Variants in DIP2B observed in about 807,000 individuals in gnomAD.
The protein encoded by DIP2B is disco-interacting protein 2 homolog B.
In DIP2B, 76 loss-of-function variants were observed where a neutral mutation model predicts 198.0. The observed-to-expected ratio is 0.38, with a 90% CI of 0.32 to 0.46. The LOEUF (loss-of-function observed/expected upper bound fraction) is 0.46. DIP2B is among the 20% of genes least tolerant of loss of function. The probability of loss-of-function intolerance (pLI) is 0.99; values close to 1 mark genes in which losing one functional copy is unlikely to be tolerated. For missense variants in DIP2B, 1,559 were observed against 1,978.4 expected (o/e 0.79, Z 4.02); for synonymous variants, 701 against 739.1 (o/e 0.95, Z 0.84).
At chr12:50,680,887 A>G in intron 9 of DIP2B, 124 bp downstream of exon 9, 3 of 963,924 alleles carry the variant, frequency 3.1e-6, no homozygotes, top group Non-Finnish European at 1.6e-6. Flanking sequence ...TTTTGGAAAA[A>G]TAAAAATGGT....
intron 25 of DIP2B, 143 bp downstream of exon 25, chr12:50,719,178 G>A: frequency 1.2e-6 from 1 of 834,596 alleles, no homozygotes; most frequent in Non-Finnish European, 1.8e-6. Flanking sequence ...TTTGGCATAT[G>A]AGGGTAAACT....
At chr12:50,740,989 C>T (rs1940231280) in intron 36 of DIP2B, among the ~76,000 whole-genome samples, 1 of 152,188 alleles carries the variant, frequency 6.6e-6, no homozygotes, top group Non-Finnish European at 1.5e-5. Context: ...CTCATGCACA[C>T]TCCTGTCGCT....
chr12:50,537,273 ATTGT>A (rs34714076), intron 1 of DIP2B, among the ~76,000 whole-genome samples: 48,106 of 150,938 alleles, frequency 0.32, 7,751 homozygotes, highest in South Asian at 0.39. Context: ...TTGCTTTATA[ATTGT>A]TTGTTTACAC....
chr12:50,634,280 A>G (rs1011207792), intron 2 of DIP2B, among the ~76,000 whole-genome samples: 1 of 152,220 alleles, frequency 6.6e-6, no homozygotes, highest in African/African-American at 2.4e-5. Context: ...TCTGTAAATT[A>G]GTCACTCTTG....
intron 1 of DIP2B, among the ~76,000 whole-genome samples, chr12:50,620,033 G>A (rs1937778366): frequency 6.6e-6 from 1 of 152,232 alleles, no homozygotes; most frequent in African/African-American, 2.4e-5. Flanking sequence ...GGGTGACAGA[G>A]TGAGACCCTG....
intron 2 of DIP2B, among the ~76,000 whole-genome samples, chr12:50,631,151 G>T (rs1938044243): frequency 1.3e-5 from 2 of 150,360 alleles, no homozygotes; most frequent in Non-Finnish European, 3.0e-5. Flanking sequence ...TTGAGACAGG[G>T]TCTCACTCTG....
intron 3 of DIP2B, among the ~76,000 whole-genome samples, chr12:50,652,097 A>C (rs1358016721): frequency 6.6e-6 from 1 of 151,804 alleles, no homozygotes; most frequent in African/African-American, 2.4e-5. Context: ...GACGATCACG[A>C]AGTCAGGAAT....
chr12:50,742,981 C>T (rs1940280450), intron 37 of DIP2B, among the ~76,000 whole-genome samples: 1 of 152,144 alleles, frequency 6.6e-6, no homozygotes, highest in African/African-American at 2.4e-5. Context: ...CATCTTTAGA[C>T]ATCTGGAAAG....
At chr12:50,528,456 A>G (rs954488671) in intron 1 of DIP2B, among the ~76,000 whole-genome samples, 5 of 152,056 alleles carry the variant, frequency 3.3e-5, no homozygotes, top group East Asian at 1.9e-4. Flanking sequence ...AAGGAAAAGT[A>G]TAGTGATTAG....
At chr12:50,701,664 A>G (rs554331206) in intron 19 of DIP2B, among the ~76,000 whole-genome samples, 134 of 151,926 alleles carry the variant, frequency 8.8e-4, no homozygotes, top group Middle Eastern at 6.8e-3. Context: ...GATTACAGGC[A>G]TGAGCCACCA....
At chr12:50,688,390 G>T (rs955559653) in intron 12 of DIP2B, among the ~76,000 whole-genome samples, 10 of 152,168 alleles carry the variant, frequency 6.6e-5, no homozygotes, top group African/African-American at 2.2e-4. Flanking sequence ...GATGGCTCAT[G>T]CCTTTAATCC....
intron 1 of DIP2B, among the ~76,000 whole-genome samples, chr12:50,530,226 G>A (rs1041558207): frequency 9.2e-5 from 14 of 152,100 alleles, no homozygotes; most frequent in African/African-American, 2.9e-4. Context: ...ACAGGCACCC[G>A]CCATCACGCC....
At chr12:50,568,793 T>C (rs899158978) in intron 1 of DIP2B, among the ~76,000 whole-genome samples, 16 of 152,342 alleles carry the variant, frequency 1.1e-4, no homozygotes, top group Admixed American at 1.0e-3. Context: ...AGTCTTTGCA[T>C]CATTTTTTAA....
rs1168210168 is a variant in DIP2B at position 50,589,186 on chromosome 12, AAAAAT to A, written c.101-36770_101-36766del. Among the ~76,000 whole-genome samples, 25 of 151,860 alleles carry A rather than the reference AAAAAT, an allele frequency of 1.6e-4. 1 individual carries two copies. Among genetic ancestry groups the A allele is most frequent in the Admixed American group, 3.9e-4 (6 of 15,254 alleles). ...GAAACAGGGCAAGACTCTGTCTCAA[AAAAAT>A]AAAATAAAATAAAATAAAAATAAAT... On this transcript the variant is annotated intron_variant, in intron 1 of 37. Coordinates refer to ENST00000301180, the MANE Select transcript of DIP2B (RefSeq NM_173602.3).
intron 16 of DIP2B, 79 bp downstream of exon 16, chr12:50,696,046 A>T: frequency 6.3e-7 from 1 of 1,575,668 alleles, no homozygotes; most frequent in East Asian, 2.3e-5. Context: ...ACTAAGATAT[A>T]ATTCACATAC....
At chr12:50,600,704 A>T (rs1463028004) in intron 1 of DIP2B, among the ~76,000 whole-genome samples, 1 of 152,198 alleles carries the variant, frequency 6.6e-6, no homozygotes, top group African/African-American at 2.4e-5. Flanking sequence ...CCTTTTAAAG[A>T]TGAATGAGTG....
At chr12:50,510,361 A>G (rs10876043) in intron 1 of DIP2B, among the ~76,000 whole-genome samples, 37,499 of 152,156 alleles carry the variant, frequency 0.25, 5,374 homozygotes, top group East Asian at 0.37. Context: ...TGACAGCCCC[A>G]TGGCATTGAG....
intron 1 of DIP2B, among the ~76,000 whole-genome samples, chr12:50,591,319 C>T (rs973043133): frequency 6.6e-6 from 1 of 151,920 alleles, no homozygotes; most frequent in Admixed American, 6.6e-5. Context: ...TTATTCTAGC[C>T]TTTTATGATA....
rs1017044285 is a variant in DIP2B at position 50,731,097 on chromosome 12, A to G, written c.3642-272A>G. 8.5e-5 allele frequency among the ~76,000 whole-genome samples: 13 copies of G among 152,350 alleles called. No individual in the cohort carries two copies. In the East Asian group the frequency reaches 2.5e-3, roughly 29 times the overall value. ...TAGTTATTAGGAATTACCTTTCCAG[A>G]ATGTTTAGTATCATCTTGACCATAT... is the stretch of plus-strand genomic sequence containing the variant. On this transcript the variant is annotated intron_variant, in intron 30 of 37. Transcript: ENST00000301180.
Sources: gnomAD v4.1 joint callset for allele counts (sites outside exome capture counted in the v4.1 genomes callset) on GRCh38, gnomAD v4.1.1 for gene constraint, MANE v1.5 for transcripts, NCBI Gene and HGNC (gene_info 2026-07-23, HGNC 2026-07-21) for gene names.